Variants in SLK observed in about 807,000 individuals in gnomAD.
SLK encodes STE20-like serine/threonine-protein kinase.
A neutral mutation model predicts 147.7 loss-of-function variants in SLK; 67 were observed. The observed-to-expected ratio is 0.45, with a 90% CI of 0.37 to 0.56. The LOEUF is 0.56. SLK is among the 20% of genes least tolerant of loss of function. SLK has a pLI of 0.00. For missense variants in SLK, 1,136 were observed against 1,438.8 expected, an observed-to-expected ratio of 0.79 and a Z score of 3.41; for synonymous variants, 441 against 475.0, an observed-to-expected ratio of 0.93 and a Z score of 0.93.
chr10:103,995,575 T>C (rs1844160448), intron 4 of SLK, among the ~76,000 whole-genome samples: 1 of 151,420 alleles, frequency 6.6e-6, no homozygotes. Context: ...TACAGGCATG[T>C]ACCACCATGC....
chr10:103,991,379 T>G lies in SLK; in HGVS notation c.315+540T>G, dbSNP rs375686288. On this transcript the variant is annotated intron_variant, in intron 2 of 18. Coordinates refer to ENST00000369755, the MANE Select transcript of SLK (RefSeq NM_014720.4). ...GTACAAGTAGATATAGAAATAAAAC[T>G]TTCATATTCATTATAATAATCTGTC... Among the ~76,000 whole-genome samples the G allele has an allele frequency of 7.2e-5, 11 of 152,254 alleles. No individual in the cohort carries two copies. In the East Asian group the frequency reaches 1.7e-3, roughly 24 times the overall value.
intron 1 of SLK, 101 bp downstream of exon 1, chr10:103,967,996 C>G: frequency 6.6e-6 from 8 of 1,221,240 alleles, no homozygotes; most frequent in Non-Finnish European, 9.3e-6. Flanking sequence ...TCCTGTCCTT[C>G]TTTTGACTGT....
chr10:104,008,799 T>C (rs1589542055), intron 12 of SLK, among the ~76,000 whole-genome samples: 2 of 152,376 alleles, frequency 1.3e-5, no homozygotes, highest in South Asian at 2.1e-4. Flanking sequence ...TTATTATTTA[T>C]AAGTTATTTT....
chr10:103,967,274 C>T lies in SLK; in HGVS notation c.-472C>T, dbSNP rs1044889024. 1 of 150,334 alleles carries T rather than the reference C, an allele frequency of 6.7e-6. No individual in the cohort carries two copies. The highest frequency in any genetic ancestry group is 1.5e-5 in the Non-Finnish European group (1 of 67,252). 9.3% of individuals were successfully genotyped at this position (150,334 alleles called of 1,614,324 possible). ...GGGAGCGGACGGCGGCGGAGGAGAC[C>T]CTAGGCTCGCGGCCCGAGGCGGGAG... On this transcript the variant is annotated 5_prime_UTR_variant, in exon 1 of 19. Transcript: ENST00000369755.
chr10:103,982,347 ATT>A (rs1187462969), intron 1 of SLK, among the ~76,000 whole-genome samples: 1 of 152,198 alleles, frequency 6.6e-6, no homozygotes, highest in East Asian at 1.9e-4. Context: ...TGATCTGAGA[ATT>A]GGTAAAACAT....
chr10:103,979,364 A>G (rs1843911906), intron 1 of SLK, among the ~76,000 whole-genome samples: 1 of 152,190 alleles, frequency 6.6e-6, no homozygotes. Flanking sequence ...TCCAGTTGGT[A>G]TGTTGTATGG....
chr10:104,018,593 T>TAGA (rs1424210779), intron 14 of SLK, among the ~76,000 whole-genome samples, 191 bp from the exon 15 acceptor site: 2 of 152,220 alleles, frequency 1.3e-5, no homozygotes, highest in Non-Finnish European at 2.9e-5. Context: ...TATACGACAT[T>TAGA]AGAACAGTCT....
intron 13 of SLK, among the ~76,000 whole-genome samples, chr10:104,016,114 C>G (rs1055219668): frequency 5.3e-5 from 8 of 152,036 alleles, no homozygotes; most frequent in African/African-American, 1.2e-4. Flanking sequence ...GTCAGGAGAT[C>G]AAGACCATCC....
intron 1 of SLK, among the ~76,000 whole-genome samples, chr10:103,982,465 A>G (rs1187837844): frequency 6.6e-6 from 1 of 152,250 alleles, no homozygotes; most frequent in Non-Finnish European, 1.5e-5. Flanking sequence ...CCAGAACAAT[A>G]TAAATAAAAT....
intron 13 of SLK, among the ~76,000 whole-genome samples, chr10:104,016,231 A>C (rs961030145): frequency 6.6e-6 from 1 of 152,050 alleles, no homozygotes; most frequent in Non-Finnish European, 1.5e-5. Context: ...AGGCAGGAGA[A>C]TGGCATGAAC....
At chr10:104,011,182 T>G (rs532472730) in intron 13 of SLK, among the ~76,000 whole-genome samples, 1 of 152,364 alleles carries the variant, frequency 6.6e-6, no homozygotes, top group African/African-American at 2.4e-5. Flanking sequence ...TTATCTGATT[T>G]TAATCTTGAT....
intron 4 of SLK, among the ~76,000 whole-genome samples, chr10:103,994,303 A>G (rs1324681476): frequency 6.6e-6 from 1 of 152,194 alleles, no homozygotes; most frequent in African/African-American, 2.4e-5. Flanking sequence ...CAGGCATCCC[A>G]GAAGCTCTTC....
intron 15 of SLK, 95 bp from the exon 16 acceptor site, chr10:104,019,639 T>TA: frequency 1.0e-6 from 1 of 968,582 alleles, no homozygotes; most frequent in South Asian, 1.5e-5. Flanking sequence ...AGGGTAATTA[T>TA]AGGAAACAAC....
At chr10:104,020,680 A>G in intron 17 of SLK, 67 bp downstream of exon 17, 1 of 1,538,808 alleles carries the variant, frequency 6.5e-7, no homozygotes, top group Non-Finnish European at 8.8e-7. Context: ...CTTTTGAGAG[A>G]ACAGTAGCTA....
chr10:103,997,812 TTTGAAA>T (rs1423034997), intron 4 of SLK, among the ~76,000 whole-genome samples: 5 of 152,094 alleles, frequency 3.3e-5, no homozygotes, highest in Admixed American at 6.5e-5. Context: ...CCTAGCTTAT[TTTGAAA>T]TAGGATGTTA....
intron 1 of SLK, among the ~76,000 whole-genome samples, chr10:103,980,243 G>A (rs1328939375): frequency 6.6e-6 from 1 of 150,690 alleles, no homozygotes; most frequent in Non-Finnish European, 1.5e-5. Flanking sequence ...ATTTATTAAT[G>A]CTTATTTTGA....
intron 1 of SLK, among the ~76,000 whole-genome samples, chr10:103,971,499 T>C (rs1438892499): frequency 2.6e-5 from 4 of 152,218 alleles, no homozygotes; most frequent in Non-Finnish European, 4.4e-5. Flanking sequence ...TGGTCTTTCC[T>C]GACCTCAGGT....
rs1414544050 is a variant in SLK, at chr10:104,020,588, A to G, written c.3422A>G (p.Asn1141Ser). ...GATCTTCAGTTGCAGTGTGAAGCCA[A>G]TGTCCGCGAACTGCATCAGCTGCAG... ...MRDLQLQCEANVRELHQLQNE... is the reference protein window; with the variant it reads ...MRDLQLQCEASVRELHQLQNE... Residue 1141 changes from asparagine to serine, a missense_variant, in exon 17 of 19, where the codon AAT becomes AGT. By Grantham distance (46) the Asn-to-Ser change is conservative. Around this residue, in one of 6 missense-constraint regions of SLK, gnomAD observed 327 missense variants for 457.5 expected, o/e 0.71. Coordinates refer to ENST00000369755, the MANE Select transcript of SLK (RefSeq NM_014720.4). 8 of 1,613,794 alleles carry G rather than the reference A, an allele frequency of 5.0e-6. No homozygotes were observed. Among genetic ancestry groups the G allele is most frequent in the Non-Finnish European group, 6.8e-6 (8 of 1,179,876 alleles).
chr10:103,974,339 C>T (rs1017681956), intron 1 of SLK, among the ~76,000 whole-genome samples: 10 of 151,594 alleles, frequency 6.6e-5, no homozygotes, highest in Non-Finnish European at 1.5e-4. Flanking sequence ...TGGCCGGGCG[C>T]GGTGGCTCAC....
Sources: allele counts gnomAD v4.1 joint callset (sites outside exome capture counted in the v4.1 genomes callset), GRCh38; gene constraint gnomAD v4.1.1; regional missense constraint gnomAD v4.1.1; transcripts MANE v1.5; gene names NCBI Gene and HGNC (gene_info 2026-07-23, HGNC 2026-07-21).